Variants in MBOAT2 observed in about 807,000 individuals in gnomAD.
The protein encoded by MBOAT2 is membrane-bound glycerophospholipid O-acyltransferase 2.
A neutral mutation model predicts 63.4 loss-of-function variants in MBOAT2; 28 were observed. The observed-to-expected ratio is 0.44, with a 90% CI of 0.33 to 0.61. The LOEUF (loss-of-function observed/expected upper bound fraction) is 0.61. Among genes scored for constraint, MBOAT2 ranks in the 20% least tolerant of loss-of-function variants. The pLI is 0.03. For synonymous variants in MBOAT2, 211 were observed against 215.6 expected (o/e 0.98, Z 0.19); for missense variants, 470 against 605.8 (o/e 0.78, Z 2.35).
intron 3 of MBOAT2, among the ~76,000 whole-genome samples, chr2:8,912,375 G>A (rs34041837): frequency 0.049 from 2,737 of 55,854 alleles, 39 homozygotes; most frequent in Non-Finnish European, 0.067. Context: ...GAAAGAAAGA[G>A]AAAGAAAGAA....
At chr2:8,910,418 C>T (rs1377884351) in intron 3 of MBOAT2, among the ~76,000 whole-genome samples, 3 of 152,120 alleles carry the variant, frequency 2.0e-5, no homozygotes, top group African/African-American at 7.2e-5. Flanking sequence ...CCAGTTGAAC[C>T]CTTCCTGAAC....
chr2:8,928,245 C>T (rs1667069124), intron 3 of MBOAT2, among the ~76,000 whole-genome samples: 1 of 152,204 alleles, frequency 6.6e-6, no homozygotes, highest in African/African-American at 2.4e-5. Context: ...CAAACCATAT[C>T]AGTAAGCAAG....
intron 3 of MBOAT2, among the ~76,000 whole-genome samples, chr2:8,914,236 G>C (rs1184476820): frequency 6.6e-6 from 1 of 152,100 alleles, no homozygotes; most frequent in African/African-American, 2.4e-5. Flanking sequence ...CTTGGGTGAT[G>C]GGTGCACCAT....
At chr2:8,960,544 AT>A (rs1446643838) in intron 1 of MBOAT2, among the ~76,000 whole-genome samples, 3 of 151,870 alleles carry the variant, frequency 2.0e-5, no homozygotes, top group African/African-American at 7.3e-5. Flanking sequence ...GGCGGGCAGC[AT>A]TTCCCAATCC....
chr2:8,964,831 G>A lies in MBOAT2; in HGVS notation c.76-6189C>T, dbSNP rs143318263. 3.0e-4 allele frequency among the ~76,000 whole-genome samples: 46 copies of A among 152,238 alleles called. No homozygotes were observed. The East Asian group carries it at 8.5e-3, about 28-fold the overall frequency. On this transcript the variant is annotated intron_variant, in intron 1 of 12. Transcript: ENST00000305997. ...TATTTTTTAAATGTGTATTTCTCCT[G>A]ATTACTAGCCAGGATGAACATTTTT...
At chr2:8,962,724 T>C (rs553080619) in intron 1 of MBOAT2, among the ~76,000 whole-genome samples, 4 of 152,096 alleles carry the variant, frequency 2.6e-5, no homozygotes, top group African/African-American at 9.6e-5. Context: ...TATAATCTTA[T>C]GTGATATAAC....
At chr2:8,993,591 A>T (rs564231833) in intron 1 of MBOAT2, among the ~76,000 whole-genome samples, 1 of 152,228 alleles carries the variant, frequency 6.6e-6, no homozygotes, top group East Asian at 1.9e-4. Flanking sequence ...TCCCAGGAAA[A>T]GTCCCCTGGG....
At chr2:8,946,605 T>C (rs1311726721) in intron 2 of MBOAT2, among the ~76,000 whole-genome samples, 1 of 152,190 alleles carries the variant, frequency 6.6e-6, no homozygotes, top group Non-Finnish European at 1.5e-5. Context: ...TGCTGAGACT[T>C]CATGTCTCTC....
chr2:8,959,966 A>G (rs1343834215), intron 1 of MBOAT2, among the ~76,000 whole-genome samples: 2 of 152,232 alleles, frequency 1.3e-5, no homozygotes, highest in African/African-American at 4.8e-5. Flanking sequence ...ACCCATAGAA[A>G]TATCTCTGCC....
chr2:8,860,694 C>G lies in MBOAT2; in HGVS notation c.1256G>C (p.Trp419Ser). The change falls in exon 12 of 13, where the codon TGG becomes TCG. Residue 419 changes from tryptophan to serine, a missense_variant. This residue lies in a region of MBOAT2 where 376 missense variants were observed against 503.8 expected (regional missense o/e 0.75). Coordinates refer to ENST00000305997, the MANE Select transcript of MBOAT2 (RefSeq NM_138799.4). ...QLKLFYDVIT[W>S]IVTQVAISYT... is the part of the protein sequence containing the mutation. ...ACTTATTGCTACTTGAGTTACTATC[C>G]ATGTTATAACATCATAAAATAATTT... 6.2e-7 allele frequency: 1 copy of G among 1,607,972 alleles called. No homozygotes were observed. Among genetic ancestry groups the G allele is most frequent in the Non-Finnish European group, 8.5e-7 (1 of 1,175,194 alleles).
chr2:8,897,726 G>A (rs562863011), intron 4 of MBOAT2, among the ~76,000 whole-genome samples: 4 of 152,154 alleles, frequency 2.6e-5, no homozygotes, highest in Admixed American at 1.3e-4. Context: ...ATTAGCTAAG[G>A]GGACTTCTAA....
intron 1 of MBOAT2, among the ~76,000 whole-genome samples, chr2:8,995,793 G>C (rs906959439): frequency 2.0e-5 from 3 of 152,012 alleles, no homozygotes; most frequent in South Asian, 2.1e-4. Flanking sequence ...GGGTTTCACC[G>C]TGTTAGCCAG....
At chr2:8,899,489 A>G (rs1664748651) in intron 4 of MBOAT2, among the ~76,000 whole-genome samples, 2 of 152,170 alleles carry the variant, frequency 1.3e-5, no homozygotes, top group African/African-American at 2.4e-5. Flanking sequence ...TCAATGGTTA[A>G]ACCGTACCTG....
Position 8,862,190 on chromosome 2 carries a change from T to G in MBOAT2, c.1185+400A>C, listed in dbSNP as rs1292053773. ...TTCCAGTGTGGCTCATCCACTGTCT[T>G]GGCCTCGCACAGCCTAGTCTTCATC... On this transcript the variant is annotated intron_variant, in intron 11 of 12. Coordinates refer to ENST00000305997, the MANE Select transcript of MBOAT2 (RefSeq NM_138799.4). This position sits in a 1 kb window ranked among gnomAD's most constrained non-coding sequence, Gnocchi z 4.3. 1 of 771,388 alleles carries G rather than the reference T, an allele frequency of 1.3e-6. No homozygotes were observed. Among genetic ancestry groups the G allele is most frequent in the African/African-American group, 1.8e-5 (1 of 54,424 alleles). The allele number at this position is 771,388 out of a possible 1,614,324, so 47.8% of individuals were successfully genotyped here.
chr2:8,940,912 T>C (rs934426362), intron 3 of MBOAT2, among the ~76,000 whole-genome samples: 1 of 152,104 alleles, frequency 6.6e-6, no homozygotes, highest in African/African-American at 2.4e-5. Context: ...ATGTAAGAAA[T>C]ATATACCATG....
At chr2:8,973,367 C>G (rs1216531615) in intron 1 of MBOAT2, among the ~76,000 whole-genome samples, 1 of 73,800 alleles carries the variant, frequency 1.4e-5, no homozygotes, top group Non-Finnish European at 2.5e-5. Context: ...CGGGGCCTGT[C>G]GTGGGGTGGG....
chr2:8,991,638 G>A (rs1031679528), intron 1 of MBOAT2, among the ~76,000 whole-genome samples: 5 of 152,164 alleles, frequency 3.3e-5, no homozygotes, highest in Non-Finnish European at 5.9e-5. Flanking sequence ...GAACACAAGT[G>A]TACTTCAGAT....
rs147978675 is a variant in MBOAT2 at position 8,974,663 on chromosome 2, A to T, written c.76-16021T>A. Among the ~76,000 whole-genome samples the T allele has an allele frequency of 6.9e-3, 1,048 of 152,256 alleles. 19 individuals carry two copies. Among genetic ancestry groups the T allele is most frequent in the African/African-American group, 0.024 (1,005 of 41,556 alleles). ...TAAAAGTGAGACTTATTTTTTCATT[A>T]TGTACCTATCTCCCTTGATATTTCA... On this transcript the variant is annotated intron_variant, in intron 1 of 12. Coordinates refer to ENST00000305997, the MANE Select transcript of MBOAT2 (RefSeq NM_138799.4).
intron 12 of MBOAT2, among the ~76,000 whole-genome samples, chr2:8,860,281 A>T (rs896691083): frequency 7.2e-5 from 11 of 152,178 alleles, no homozygotes; most frequent in Admixed American, 1.3e-4. Flanking sequence ...GTTTTTTGTT[A>T]AATTTAGGAG....
Sources: allele counts gnomAD v4.1 joint callset (sites outside exome capture counted in the v4.1 genomes callset), GRCh38; gene constraint gnomAD v4.1.1; regional missense constraint gnomAD v4.1.1; non-coding constraint Gnocchi (gnomAD v3.1); transcripts MANE v1.5; gene names NCBI Gene and HGNC (gene_info 2026-07-23, HGNC 2026-07-21).